Variants in DICER1 observed in about 807,000 individuals in gnomAD.
DICER1 encodes the protein dicer 1, ribonuclease III, also known as endoribonuclease Dicer.
In DICER1, 43 loss-of-function variants were observed where a neutral mutation model predicts 194.1. The ratio of observed to expected loss-of-function variants is 0.22; its 90% CI spans 0.17 to 0.29. DICER1 has a LOEUF of 0.29. Among genes scored for constraint, DICER1 ranks in the 10% least tolerant of loss-of-function variants. DICER1 has a pLI of 1.00. For missense variants in DICER1, 1,608 were observed against 2,317.0 expected (o/e 0.69, Z 6.28); for synonymous variants, 832 against 820.5 (o/e 1.01, Z -0.24).
In DICER1 at chr14:95,086,727, C is replaced by T. The variant is rs1889366253; in HGVS notation, c.*3771G>A. ...ATATTGCTATTGGCGTCTCCAACAACTTTAAAAATCATTTTAATAGTCTTG... is the reference window on the plus strand; with the variant it reads ...ATATTGCTATTGGCGTCTCCAACAATTTTAAAAATCATTTTAATAGTCTTG... On this transcript the variant is annotated 3_prime_UTR_variant, in exon 27 of 27. Coordinates refer to ENST00000343455, the MANE Select transcript of DICER1 (RefSeq NM_177438.3). The T allele has an allele frequency of 1.7e-5, 4 of 232,864 alleles. No individual in the cohort carries two copies. In the East Asian group the frequency reaches 2.4e-4, roughly 14 times the overall value. 14.4% of individuals were successfully genotyped at this position (232,864 alleles called of 1,614,324 possible).
At chr14:95,091,155 G>T in intron 25 of DICER1, 46 bp from the exon 26 acceptor site, 7 of 1,613,836 alleles carry the variant, frequency 4.3e-6, no homozygotes, top group Non-Finnish European at 5.9e-6. Flanking sequence ...CTCTGAAGTT[G>T]TTTTTAATTT....
At chr14:95,093,167 C>T (rs1889998075) in intron 24 of DICER1, among the ~76,000 whole-genome samples, 1 of 152,244 alleles carries the variant, frequency 6.6e-6, no homozygotes, top group African/African-American at 2.4e-5. Flanking sequence ...TATTTCCTGA[C>T]TCCTTATAAG....
chr14:95,149,365 G>C (rs1393797051), intron 1 of DICER1, among the ~76,000 whole-genome samples: 1 of 152,156 alleles, frequency 6.6e-6, no homozygotes. Flanking sequence ...CATAGCTTCT[G>C]CGCAACATCT....
chr14:95,145,126 C>G (rs1895050772), intron 1 of DICER1, among the ~76,000 whole-genome samples: 1 of 152,094 alleles, frequency 6.6e-6, no homozygotes, highest in Non-Finnish European at 1.5e-5. Context: ...GATTTTACAT[C>G]TTTTTCTTTG....
intron 3 of DICER1, 91 bp from the exon 4 acceptor site, chr14:95,131,730 C>A (rs1254917165): frequency 6.8e-6 from 8 of 1,180,064 alleles, no homozygotes; most frequent in Middle Eastern, 1.9e-4. Flanking sequence ...TACAGAAATC[C>A]TTATTATTAT....
At chr14:95,137,336 G>C (rs1894466916) in intron 1 of DICER1, among the ~76,000 whole-genome samples, 1 of 139,428 alleles carries the variant, frequency 7.2e-6, no homozygotes, top group Non-Finnish European at 1.5e-5. Context: ...GAAAGGGAAA[G>C]GGGAAGGGGA....
rs1178292163 is a variant in DICER1 at position 95,103,584 on chromosome 14, A to C, written c.3812T>G (p.Leu1271Arg). The C allele has an allele frequency of 1.9e-6, 3 of 1,614,104 alleles. No individual in the cohort carries two copies. In the African/African-American group the frequency reaches 4.0e-5, roughly 22 times the overall value. The change falls in exon 21 of 27, where the codon CTC becomes CGC. Residue 1271 changes from leucine (L) to arginine (R), a missense_variant. Physicochemically the swap from Leu to Arg is moderately radical, Grantham distance 102. Around this residue, in one of 10 missense-constraint regions of DICER1, gnomAD observed 222 missense variants for 215.5 expected, o/e 1.03. Coordinates refer to ENST00000343455, the MANE Select transcript of DICER1 (RefSeq NM_177438.3). Reference sequence around the variant, plus strand: ...CTGCTCAGAATCCATCCTGCCCTTGAGCACTTGAATAGTGTCTGTCGTACC... The same window carrying C: ...CTGCTCAGAATCCATCCTGCCCTTGCGCACTTGAATAGTGTCTGTCGTACC... ...MPGTTDTIQV[L>R]KGRMDSEQSP...
intron 1 of DICER1, among the ~76,000 whole-genome samples, chr14:95,154,347 T>C (rs1228662366): frequency 6.6e-6 from 1 of 152,172 alleles, no homozygotes; most frequent in Non-Finnish European, 1.5e-5. Context: ...ATGTGACCAC[T>C]TTGAGGTATA....
At chr14:95,111,221 T>G (rs929695229) in intron 14 of DICER1, 96 bp downstream of exon 14, 10 of 1,437,032 alleles carry the variant, frequency 7.0e-6, no homozygotes, top group Non-Finnish European at 9.8e-6. Flanking sequence ...ACTGTAAGGG[T>G]GTGGGAAGCC....
chr14:95,095,767 T>G, intron 23 of DICER1, 58 bp downstream of exon 23: 1,061 of 1,557,754 alleles, frequency 6.8e-4, no homozygotes, highest in Non-Finnish European at 8.4e-4. Flanking sequence ...GCCAACACGA[T>G]GAGATCAACA....
intron 22 of DICER1, among the ~76,000 whole-genome samples, chr14:95,099,324 G>A (rs543724693): frequency 1.3e-4 from 20 of 152,006 alleles, no homozygotes; most frequent in African/African-American, 4.8e-4. Context: ...AAGTTCACAG[G>A]AGTCCTGACT....
chr14:95,091,967 C>T (rs1156483672), intron 24 of DICER1, among the ~76,000 whole-genome samples: 1 of 152,150 alleles, frequency 6.6e-6, no homozygotes, highest in Non-Finnish European at 1.5e-5. Flanking sequence ...CATCAAAAGC[C>T]TTTGAAAAGT....
chr14:95,098,192 TG>T (rs1020006948), intron 22 of DICER1, among the ~76,000 whole-genome samples: 6 of 151,922 alleles, frequency 3.9e-5, no homozygotes, highest in African/African-American at 1.5e-4. Flanking sequence ...TACAAAAGAG[TG>T]GGGTTCTGTC....
chr14:95,107,353 T>C (rs1482156238), intron 17 of DICER1, among the ~76,000 whole-genome samples: 2 of 151,518 alleles, frequency 1.3e-5, no homozygotes, highest in Non-Finnish European at 2.9e-5. Flanking sequence ...TAGCTTGAAG[T>C]GATTGCCCTG....
At chr14:95,090,811 G>A in intron 26 of DICER1, 148 bp from the exon 27 acceptor site, 1 of 1,044,282 alleles carries the variant, frequency 9.6e-7, no homozygotes, top group Non-Finnish European at 1.5e-6. Flanking sequence ...TACTGCAATT[G>A]CATACCCCCG....
At chr14:95,127,089 T>A (rs1480543564) in intron 6 of DICER1, among the ~76,000 whole-genome samples, 2 of 152,138 alleles carry the variant, frequency 1.3e-5, no homozygotes, top group Non-Finnish European at 2.9e-5. Context: ...TCTAACTGAA[T>A]CCACACACAG....
intron 1 of DICER1, among the ~76,000 whole-genome samples, chr14:95,149,496 C>T (rs1895371110): frequency 1.3e-5 from 2 of 152,202 alleles, no homozygotes; most frequent in African/African-American, 4.8e-5. Context: ...CCCCTCCCCT[C>T]TCATTTAGCA....
chr14:95,099,961 T>G (rs748358270), intron 21 of DICER1, 26 bp from the exon 22 acceptor site: 4 of 1,612,960 alleles, frequency 2.5e-6, no homozygotes, highest in Non-Finnish European at 3.4e-6. Flanking sequence ...TTAGGATACT[T>G]ATCCATAAAT....
rs71838494 is a variant in DICER1 at position 95,099,731 on chromosome 14, TACACACACACAC to T, written c.4206+37_4206+48del. ...TCACCGAAAAGTAAATCCCTCCAGT[TACACACACACAC>T]ACACACACACACACACACACACACA... On this transcript the variant is annotated intron_variant, in intron 22 of 26. Transcript: ENST00000343455. 7.5e-4 allele frequency: 809 copies of T among 1,073,294 alleles called. No homozygotes were observed. Among genetic ancestry groups the T allele is most frequent in the Middle Eastern group, 2.0e-3 (7 of 3,584 alleles). 66.5% of individuals were successfully genotyped at this position (1,073,294 alleles called of 1,614,324 possible).
Sources: allele counts gnomAD v4.1 joint callset (sites outside exome capture counted in the v4.1 genomes callset), GRCh38; gene constraint gnomAD v4.1.1; regional missense constraint gnomAD v4.1.1; transcripts MANE v1.5; gene names NCBI Gene and HGNC (gene_info 2026-07-23, HGNC 2026-07-21).